Variants in SLC5A12 observed in about 807,000 individuals in gnomAD.
SLC5A12 encodes the protein sodium-coupled monocarboxylate transporter 2.
SLC5A12 carries 46 observed loss-of-function variants against 72.7 expected under a neutral mutation model. The observed-to-expected ratio is 0.63, with a 90% CI of 0.50 to 0.81. The LOEUF is 0.81. SLC5A12 is among the 30% of genes least tolerant of loss of function. The pLI is 0.00. For missense variants in SLC5A12, 683 were observed against 740.7 expected (o/e 0.92, Z 0.90); for synonymous variants, 275 against 264.4 (o/e 1.04, Z -0.39).
At position 26,698,413 on chromosome 11, in the gene SLC5A12, G is replaced by A. The variant is rs180785826; in HGVS notation, c.944C>T (p.Pro315Leu). ...DPWTSGIISAPDQLMPYFVME... is the reference protein window; with the variant it reads ...DPWTSGIISALDQLMPYFVME... ...CCTCAAGAAAACCCATACCTGGTCT[G>A]GTGCTGAGATGATGCCAGAAGTCCA... Residue 315 changes from proline (P) to leucine (L), a missense_variant, in exon 7 of 15, where the codon CCA becomes CTA. Transcript: ENST00000396005. The A allele has an allele frequency of 1.2e-6, 2 of 1,613,802 alleles. No homozygotes were observed. The highest frequency in any genetic ancestry group is 1.3e-5 in the African/African-American group (1 of 75,008).
At chr11:26,698,867 A>G (rs542866281) in intron 6 of SLC5A12, among the ~76,000 whole-genome samples, 1 of 152,262 alleles carries the variant, frequency 6.6e-6, no homozygotes, top group Non-Finnish European at 1.5e-5. Flanking sequence ...ATATTATATA[A>G]CTTCAAGTGA....
At chr11:26,676,504 A>T (rs1169653432) in intron 13 of SLC5A12, among the ~76,000 whole-genome samples, 4 of 152,162 alleles carry the variant, frequency 2.6e-5, no homozygotes, top group Non-Finnish European at 4.4e-5. Flanking sequence ...AGAAAAATAT[A>T]GTAAGATTCA....
rs12286201 is a variant in SLC5A12 at position 26,673,648 on chromosome 11, T to C, written c.1580-119A>G. The C allele has an allele frequency of 0.078, 102,344 of 1,312,320 alleles. 5,347 individuals are homozygous for C. Among genetic ancestry groups the C allele is most frequent in the African/African-American group, 0.26 (17,078 of 66,416 alleles). 81.3% of individuals were successfully genotyped at this position (1,312,320 alleles called of 1,614,324 possible). Reference sequence around the variant, plus strand: ...TTTTAGAATAAGAGTGAAAACAAGATTGAGTGGTTAATAAACAGAAATTGG... The same window carrying C: ...TTTTAGAATAAGAGTGAAAACAAGACTGAGTGGTTAATAAACAGAAATTGG... On this transcript the variant is annotated intron_variant, in intron 13 of 14. Coordinates refer to ENST00000396005, the MANE Select transcript of SLC5A12 (RefSeq NM_178498.4).
intron 1 of SLC5A12, among the ~76,000 whole-genome samples, chr11:26,713,619 G>T (rs1343531679): frequency 1.3e-5 from 2 of 151,962 alleles, no homozygotes; most frequent in African/African-American, 4.8e-5. Flanking sequence ...AGCTCATATG[G>T]CACTAATATT....
chr11:26,721,380 T>C lies in SLC5A12; in HGVS notation c.335A>G (p.Tyr112Cys). The change falls in exon 1 of 15, where the codon TAT (tyrosine) becomes TGT (cysteine). Residue 112 changes from tyrosine (Y) to cysteine (C), a missense_variant. Physicochemically the swap from Tyr to Cys is radical, Grantham distance 194 (BLOSUM62 -2). Transcript: ENST00000396005. ...VFYRSGITST[Y>C]EYLQLRFNKP... ...AGAATGGAGAAATCATCTTACCTCA[T>C]AAGTGCTGGTGATACCAGATCTGTA... 5 of 1,592,622 alleles carry C rather than the reference T, an allele frequency of 3.1e-6. No homozygotes were observed. Among genetic ancestry groups the C allele is most frequent in the Non-Finnish European group, 4.3e-6 (5 of 1,169,174 alleles).
chr11:26,722,452 T>C (rs1022558180), upstream of SLC5A12, among the ~76,000 whole-genome samples: 1 of 152,238 alleles, frequency 6.6e-6, no homozygotes, highest in African/African-American at 2.4e-5. Flanking sequence ...TTAAACTTCC[T>C]GACTCTCTTT....
At chr11:26,720,695 A>G (rs1398003497) in intron 1 of SLC5A12, among the ~76,000 whole-genome samples, 1 of 152,210 alleles carries the variant, frequency 6.6e-6, no homozygotes, top group Non-Finnish European at 1.5e-5. Context: ...TGCAAATTCA[A>G]TTTTGAACAT....
chr11:26,692,748 C>T (rs995351089), intron 8 of SLC5A12, 147 bp from the exon 9 acceptor site: 5 of 588,790 alleles, frequency 8.5e-6, no homozygotes, highest in African/African-American at 1.9e-5. Context: ...TCCATGGGAA[C>T]TATATGGCCT....
intron 10 of SLC5A12, among the ~76,000 whole-genome samples, chr11:26,685,060 G>A (rs745933155): frequency 1.3e-5 from 2 of 152,036 alleles, no homozygotes; most frequent in Non-Finnish European, 2.9e-5. Context: ...CTATTAGAAA[G>A]GACATCATGT....
At chr11:26,689,549 G>A (rs1028229848) in intron 9 of SLC5A12, among the ~76,000 whole-genome samples, 1 of 152,184 alleles carries the variant, frequency 6.6e-6, no homozygotes, top group African/African-American at 2.4e-5. Context: ...AGGCATAGGA[G>A]AACTTTCCAC....
At chr11:26,696,681 T>A (rs1854823679) in intron 8 of SLC5A12, among the ~76,000 whole-genome samples, 1 of 152,186 alleles carries the variant, frequency 6.6e-6, no homozygotes, top group South Asian at 2.1e-4. Flanking sequence ...AGAAAAGGTA[T>A]AATAAAAATA....
At chr11:26,688,012 G>A (rs1263738249) in intron 9 of SLC5A12, among the ~76,000 whole-genome samples, 1 of 152,142 alleles carries the variant, frequency 6.6e-6, no homozygotes, top group African/African-American at 2.4e-5. Flanking sequence ...CCTCTCACTG[G>A]ACCAATGGTT....
chr11:26,711,258 T>C, intron 3 of SLC5A12, 49 bp downstream of exon 3: 1 of 1,468,750 alleles, frequency 6.8e-7, no homozygotes, highest in Non-Finnish European at 9.5e-7. Flanking sequence ...AAGGTGAGAA[T>C]TCAGGCATAA....
In SLC5A12 at chr11:26,670,280, C is replaced by T. The variant is rs1854108463; in HGVS notation, c.*822G>A. ...TTTTACCAAATTCTATCCTAACAACCTTCTATAGGACATTCCTTTTCTCTT... is the reference window on the plus strand; with the variant it reads ...TTTTACCAAATTCTATCCTAACAACTTTCTATAGGACATTCCTTTTCTCTT... On this transcript the variant is annotated 3_prime_UTR_variant, in exon 15 of 15. Transcript: ENST00000396005. 2 of 152,082 alleles carry T rather than the reference C, an allele frequency of 1.3e-5. No homozygotes were observed. The highest frequency in any genetic ancestry group is 4.8e-5 in the African/African-American group (2 of 41,420). The allele number at this position is 152,082 out of a possible 1,614,324, so 9.4% of individuals were successfully genotyped here.
At position 26,671,047 on chromosome 11, in the gene SLC5A12, T is replaced by TTGTGTGAGTGTGTG; in HGVS notation, c.*54_*55insCACACACTCACACA. 7.4e-7 allele frequency: 1 copy of TTGTGTGAGTGTGTG among 1,354,114 alleles called. No homozygotes were observed. The highest frequency in any genetic ancestry group is 1.0e-6 in the Non-Finnish European group (1 of 991,514). 83.9% of individuals were successfully genotyped at this position (1,354,114 alleles called of 1,614,324 possible). A position where few individuals can be genotyped will look rare whatever the true frequency, so the allele number is the denominator to read the frequency against. ...CAAGTAGGCAAGAAGTATGTGGAGT[T>TTGTGTGAGTGTGTG]TGTGTGTGTGTGTGTGTATTGCACG... On this transcript the variant is annotated 3_prime_UTR_variant, in exon 15 of 15. Transcript: ENST00000396005.
At chr11:26,709,126 G>A (rs1855159889) in intron 4 of SLC5A12, 186 bp downstream of exon 4, 1 of 448,008 alleles carries the variant, frequency 2.2e-6, no homozygotes, top group African/African-American at 2.0e-5. Context: ...TCTCCTAAAG[G>A]TTGGTAATGA....
At chr11:26,702,178 A>T (rs530840550) in intron 6 of SLC5A12, among the ~76,000 whole-genome samples, 1 of 152,300 alleles carries the variant, frequency 6.6e-6, no homozygotes, top group Non-Finnish European at 1.5e-5. Flanking sequence ...TTGGATAAAG[A>T]GATGACCACA....
At chr11:26,696,034 A>G (rs61877326) in intron 8 of SLC5A12, among the ~76,000 whole-genome samples, 20,343 of 152,120 alleles carry the variant, frequency 0.13, 1,704 homozygotes, top group African/African-American at 0.24. Flanking sequence ...CATATTCAGA[A>G]AGGAGTTCCT....
chr11:26,692,544 C>T lies in SLC5A12; in HGVS notation c.1098G>A (p.Lys366=). The part of the protein sequence containing the change: ...LATVTFEDFV[K]SCFPHLSDKL... Reference sequence around the variant, plus strand: ...TGTCGGAGAGATGAGGAAAACAGCTCTTGACAAAATCCTCAAAGGTCACTG... The same window carrying T: ...TGTCGGAGAGATGAGGAAAACAGCTTTTGACAAAATCCTCAAAGGTCACTG... Residue 366 remains lysine (K), a synonymous_variant, in exon 9 of 15, where the codon AAG becomes AAA. Coordinates refer to ENST00000396005, the MANE Select transcript of SLC5A12 (RefSeq NM_178498.4). 9 of 1,614,104 alleles carry T rather than the reference C, an allele frequency of 5.6e-6. No homozygotes were observed. The highest frequency in any genetic ancestry group is 7.6e-6 in the Non-Finnish European group (9 of 1,179,978).
Sources: allele counts gnomAD v4.1 joint callset (sites outside exome capture counted in the v4.1 genomes callset), GRCh38; gene constraint gnomAD v4.1.1; transcripts MANE v1.5; gene names NCBI Gene and HGNC (gene_info 2026-07-23, HGNC 2026-07-21).